Variants in EPHB2 observed in about 807,000 individuals in gnomAD.
EPHB2 encodes EPH receptor B2, also known as ephrin type-B receptor 2.
In EPHB2, 18 loss-of-function variants were observed where a neutral mutation model predicts 96.4. That is an observed-to-expected ratio of 0.19 (90% CI 0.13 to 0.28). The LOEUF is 0.28. Ranked by LOEUF, EPHB2 falls within the 10% of genes least tolerant of loss-of-function variation. The probability of loss-of-function intolerance (pLI) is 1.00; values close to 1 mark genes in which losing one functional copy is unlikely to be tolerated. For synonymous variants in EPHB2, 506 were observed against 534.1 expected, an observed-to-expected ratio of 0.95 and a Z score of 0.72; for missense variants, 989 against 1,355.4, an observed-to-expected ratio of 0.73 and a Z score of 4.25.
At chr1:22,782,326 T>C (rs1644544718) in intron 2 of EPHB2, among the ~76,000 whole-genome samples, 1 of 152,174 alleles carries the variant, frequency 6.6e-6, no homozygotes, top group African/African-American at 2.4e-5. Context: ...ATCATCATCA[T>C]CATTGTCATT....
chr1:22,794,250 G>A (rs1321501922), intron 3 of EPHB2, among the ~76,000 whole-genome samples: 1 of 152,146 alleles, frequency 6.6e-6, no homozygotes. Context: ...GGGGTAACCA[G>A]GAGGGCTTCT....
At chr1:22,806,512 TG>T (rs1644929071) in intron 3 of EPHB2, among the ~76,000 whole-genome samples, 1 of 4,328 alleles carries the variant, frequency 2.3e-4, no homozygotes, top group Non-Finnish European at 9.5e-4. Context: ...GACGGATGGA[TG>T]GATGGATGGA....
chr1:22,909,578 C>A (rs898572129), intron 13 of EPHB2, among the ~76,000 whole-genome samples: 1 of 152,144 alleles, frequency 6.6e-6, no homozygotes, highest in African/African-American at 2.4e-5. Context: ...ACTGAGGCAC[C>A]GGCAGCATGG....
chr1:22,720,452 G>A (rs376763162), intron 1 of EPHB2, among the ~76,000 whole-genome samples: 26 of 152,256 alleles, frequency 1.7e-4, no homozygotes, highest in African/African-American at 5.8e-4. Context: ...TTCAGTGCCC[G>A]CCCCTGCACC....
intron 3 of EPHB2, among the ~76,000 whole-genome samples, chr1:22,831,186 G>A (rs1042680185): frequency 5.3e-5 from 8 of 152,240 alleles, no homozygotes; most frequent in African/African-American, 1.9e-4. Flanking sequence ...CAGGTCCACT[G>A]GGGATGAAGG....
Position 22,906,103 on chromosome 1 carries a change from G to A in EPHB2, c.1882G>A (p.Gly628Arg), listed in dbSNP as rs750026662. 2.5e-6 allele frequency: 4 copies of A among 1,614,140 alleles called. No individual in the cohort carries two copies. The highest frequency in any genetic ancestry group is 3.4e-6 in the Non-Finnish European group (4 of 1,180,034). ...ISCVKIEQVI[G>R]AGEFGEVCSG... Reference sequence around the variant, plus strand: ...CTGTGTCAAAATTGAGCAGGTGATCGGAGCAGGTAGGTGGCTGGTACTCTC... The same window carrying A: ...CTGTGTCAAAATTGAGCAGGTGATCAGAGCAGGTAGGTGGCTGGTACTCTC... The change falls in exon 10 of 16, where the codon GGA (glycine) becomes AGA (arginine). Residue 628 changes from glycine (G) to arginine (R), a missense_variant. Coordinates refer to ENST00000374630, the MANE Select transcript of EPHB2 (RefSeq NM_017449.5). The surrounding 1 kb of genome is among the most constrained non-coding windows in gnomAD (Gnocchi z 4.8).
chr1:22,870,759 G>A (rs1043464712), intron 5 of EPHB2, among the ~76,000 whole-genome samples: 1 of 152,192 alleles, frequency 6.6e-6, no homozygotes, highest in African/African-American at 2.4e-5. Context: ...GCCAGCTTCC[G>A]GAAGTAGTGG....
intron 3 of EPHB2, among the ~76,000 whole-genome samples, chr1:22,797,901 C>T (rs1383531908): frequency 6.6e-6 from 1 of 152,160 alleles, no homozygotes; most frequent in Non-Finnish European, 1.5e-5. Context: ...GCTCCATCGT[C>T]TTCTTCAGGT....
chr1:22,757,699 A>G (rs1644172573), intron 1 of EPHB2, among the ~76,000 whole-genome samples: 2 of 152,034 alleles, frequency 1.3e-5, no homozygotes, highest in African/African-American at 2.4e-5. Context: ...CTGTCTCTAC[A>G]AAAAATAAAA....
At chr1:22,715,642 A>G (rs897510220) in intron 1 of EPHB2, among the ~76,000 whole-genome samples, 3 of 152,268 alleles carry the variant, frequency 2.0e-5, no homozygotes, top group Non-Finnish European at 2.9e-5. Context: ...TCAGAAAGCC[A>G]GTTGACTTAT....
At chr1:22,785,381 C>T (rs1644596845) in intron 3 of EPHB2, among the ~76,000 whole-genome samples, 1 of 152,168 alleles carries the variant, frequency 6.6e-6, no homozygotes, top group Non-Finnish European at 1.5e-5. Flanking sequence ...TCAATTTCTT[C>T]CTTTACAAAG....
intron 1 of EPHB2, among the ~76,000 whole-genome samples, chr1:22,769,869 GAA>G (rs1278777061): frequency 6.6e-6 from 1 of 152,186 alleles, no homozygotes; most frequent in Admixed American, 6.5e-5. Context: ...TGAATGGAAA[GAA>G]GAGAGGTAGG....
intron 3 of EPHB2, among the ~76,000 whole-genome samples, chr1:22,799,880 G>A (rs1644817848): frequency 6.6e-6 from 1 of 152,226 alleles, no homozygotes; most frequent in Admixed American, 6.5e-5. Flanking sequence ...CCTGGGACCT[G>A]TCAGGGTTAT....
Position 22,863,133 on chromosome 1 carries a change from G to A in EPHB2, c.908G>A (p.Cys303Tyr). The A allele has an allele frequency of 6.2e-7, 1 of 1,614,180 alleles. No homozygotes were observed. Among genetic ancestry groups the A allele is most frequent in the Non-Finnish European group, 8.5e-7 (1 of 1,180,030 alleles). Residue 303 changes from cysteine (C) to tyrosine (Y), a missense_variant, in exon 4 of 16, where the codon TGT becomes TAT. Physicochemically the swap from Cys to Tyr is radical, Grantham distance 194. Coordinates refer to ENST00000374630, the MANE Select transcript of EPHB2 (RefSeq NM_017449.5). ...SRTTSEGATN[C>Y]VCRNGYYRAD... ...ACCACTTCTGAAGGGGCCACCAACT[G>A]TGTCTGCCGCAATGGCTACTACAGA...
chr1:22,859,595 G>A (rs1645761387), intron 3 of EPHB2, among the ~76,000 whole-genome samples: 1 of 152,044 alleles, frequency 6.6e-6, no homozygotes, highest in Admixed American at 6.5e-5. Context: ...AGGAGTTCGT[G>A]ACCAGCCTGG....
rs150264702 is a variant in EPHB2 at position 22,715,858 on chromosome 1, C to T, written c.61+4815C>T. Among the ~76,000 whole-genome samples, 7 of 152,320 alleles carry T rather than the reference C, an allele frequency of 4.6e-5. No homozygotes were observed. In the East Asian group the frequency reaches 7.7e-4, roughly 17 times the overall value. On this transcript the variant is annotated intron_variant, in intron 1 of 15. Coordinates refer to ENST00000374630, the MANE Select transcript of EPHB2 (RefSeq NM_017449.5). ...CAAATCCCAGCTGTGTGCTCTGGGG[C>T]GAGGAGCGCAGACTCCCTGCACTTC... is the stretch of plus-strand genomic sequence containing the variant.
At chr1:22,742,681 T>C (rs1029951279) in intron 1 of EPHB2, among the ~76,000 whole-genome samples, 3 of 147,870 alleles carry the variant, frequency 2.0e-5, no homozygotes, top group South Asian at 4.3e-4. Context: ...TAGTTTTTTA[T>C]TTTTTGTAGA....
At chr1:22,722,488 C>T (rs777276691) in intron 1 of EPHB2, among the ~76,000 whole-genome samples, 2 of 152,156 alleles carry the variant, frequency 1.3e-5, no homozygotes, top group Non-Finnish European at 2.9e-5. Context: ...ATGACTTACT[C>T]AAGGTTACAT....
intron 5 of EPHB2, among the ~76,000 whole-genome samples, chr1:22,866,664 T>C (rs1638489132): frequency 6.6e-6 from 1 of 152,080 alleles, no homozygotes; most frequent in African/African-American, 2.4e-5. Flanking sequence ...CTGGGCACAG[T>C]GGCTCACATC....
Sources: gnomAD v4.1 joint callset for allele counts (sites outside exome capture counted in the v4.1 genomes callset) on GRCh38, gnomAD v4.1.1 for gene constraint, Gnocchi (gnomAD v3.1) non-coding constraint, MANE v1.5 for transcripts, NCBI Gene and HGNC (gene_info 2026-07-23, HGNC 2026-07-21) for gene names.